The following NALF1 variants were observed in gnomAD, a reference collection of about 807,000 sequenced individuals.
The protein encoded by NALF1 is family with sequence similarity 155 member A.
A neutral mutation model predicts 48.4 loss-of-function variants in NALF1; 3 were observed. That is an observed-to-expected ratio of 0.06 (90% CI 0.03 to 0.16). NALF1 has a LOEUF of 0.16. Among genes scored for constraint, NALF1 ranks in the 10% least tolerant of loss-of-function variants. The pLI is 1.00. For missense variants in NALF1, 526 were observed against 571.5 expected, an observed-to-expected ratio of 0.92 and a Z score of 0.81; for synonymous variants, 262 against 245.7, an observed-to-expected ratio of 1.07 and a Z score of -0.62.
intron 1 of NALF1, among the ~76,000 whole-genome samples, chr13:107,762,312 G>A (rs1035389068): frequency 6.6e-6 from 1 of 152,026 alleles, no homozygotes; most frequent in African/African-American, 2.4e-5. Context: ...AGCACATATT[G>A]GGTGTAAATC....
At chr13:107,821,609 T>C (rs114524931) in intron 1 of NALF1, among the ~76,000 whole-genome samples, 11 of 152,028 alleles carry the variant, frequency 7.2e-5, no homozygotes, top group Non-Finnish European at 1.6e-4. Flanking sequence ...TGTCAAGTCA[T>C]GAAAAGTAAA....
intron 1 of NALF1, among the ~76,000 whole-genome samples, chr13:107,521,611 TAATTA>T (rs1876240682): frequency 6.6e-6 from 1 of 152,186 alleles, no homozygotes. Flanking sequence ...TCACTATTAA[TAATTA>T]AATTATGCTT....
At chr13:107,329,915 T>C (rs965834231) in intron 1 of NALF1, among the ~76,000 whole-genome samples, 1 of 152,176 alleles carries the variant, frequency 6.6e-6, no homozygotes. Context: ...CTTTACCTTT[T>C]AAAACTTTAG....
intron 1 of NALF1, among the ~76,000 whole-genome samples, chr13:107,557,083 T>C (rs1156952459): frequency 2.0e-5 from 3 of 152,222 alleles, no homozygotes; most frequent in Admixed American, 1.3e-4. Context: ...ATCAGATTTT[T>C]ACATATTTCA....
intron 1 of NALF1, among the ~76,000 whole-genome samples, chr13:107,472,220 T>G (rs969092189): frequency 2.0e-5 from 3 of 152,106 alleles, no homozygotes; most frequent in African/African-American, 7.2e-5. Flanking sequence ...TCCCAGGTAC[T>G]TGGGAGGCTG....
chr13:107,578,718 T>C (rs1353001132), intron 1 of NALF1, among the ~76,000 whole-genome samples: 1 of 152,200 alleles, frequency 6.6e-6, no homozygotes. Flanking sequence ...TTATCTTTAA[T>C]ATAAAAATAA....
intron 1 of NALF1, among the ~76,000 whole-genome samples, chr13:107,434,902 C>T (rs150821264): frequency 1.5e-3 from 232 of 152,264 alleles, no homozygotes; most frequent in Non-Finnish European, 2.4e-3. Context: ...CACACCCTGA[C>T]GTGGCACAGT....
intron 1 of NALF1, among the ~76,000 whole-genome samples, chr13:107,829,549 G>C (rs1255269628): frequency 6.6e-6 from 1 of 151,870 alleles, no homozygotes; most frequent in Non-Finnish European, 1.5e-5. Flanking sequence ...TGATATTTAA[G>C]GGCCATGTTA....
At chr13:107,518,720 C>A (rs957969750) in intron 1 of NALF1, among the ~76,000 whole-genome samples, 1 of 152,086 alleles carries the variant, frequency 6.6e-6, no homozygotes, top group Non-Finnish European at 1.5e-5. Context: ...ATAAAAAAAG[C>A]AGACCTAGCC....
chr13:107,810,627 C>T (rs1337721399), intron 1 of NALF1, among the ~76,000 whole-genome samples: 1 of 152,064 alleles, frequency 6.6e-6, no homozygotes, highest in African/African-American at 2.4e-5. Flanking sequence ...AATCTTCTTC[C>T]GTTCTTGTCT....
chr13:107,827,031 T>C (rs1012066314), intron 1 of NALF1, among the ~76,000 whole-genome samples: 21 of 152,224 alleles, frequency 1.4e-4, no homozygotes, highest in African/African-American at 4.8e-4. Context: ...TACTGGTCCA[T>C]GTACATTCAT....
intron 1 of NALF1, among the ~76,000 whole-genome samples, chr13:107,636,071 C>T (rs1356071932): frequency 2.0e-5 from 3 of 151,948 alleles, no homozygotes; most frequent in Admixed American, 2.0e-4. Flanking sequence ...GCGGCTTTTG[C>T]CACTAGAAGT....
At chr13:107,555,865 A>C (rs1190393452) in intron 1 of NALF1, among the ~76,000 whole-genome samples, 2 of 152,146 alleles carry the variant, frequency 1.3e-5, no homozygotes. Context: ...ATATGGTTAT[A>C]TAAAAATCAA....
chr13:107,739,572 A>G (rs1876570957), intron 1 of NALF1, among the ~76,000 whole-genome samples: 1 of 151,982 alleles, frequency 6.6e-6, no homozygotes, highest in Non-Finnish European at 1.5e-5. Flanking sequence ...ATACATACAC[A>G]ATGACTAATG....
chr13:107,317,712 T>A (rs1276062481), intron 1 of NALF1, among the ~76,000 whole-genome samples: 2 of 152,118 alleles, frequency 1.3e-5, no homozygotes, highest in Admixed American at 1.3e-4. Flanking sequence ...ATGTACAAAA[T>A]AACTTATTAG....
At chr13:107,639,563 C>T (rs1266452612) in intron 1 of NALF1, among the ~76,000 whole-genome samples, 1 of 152,272 alleles carries the variant, frequency 6.6e-6, no homozygotes, top group Non-Finnish European at 1.5e-5. Context: ...CCACTCCACG[C>T]CCTGTGCCCT....
At chr13:107,812,228 T>C (rs1327589485) in intron 1 of NALF1, among the ~76,000 whole-genome samples, 1 of 152,150 alleles carries the variant, frequency 6.6e-6, no homozygotes, top group African/African-American at 2.4e-5. Context: ...TATCCAAATA[T>C]TACAGTTTCA....
At chr13:107,644,642 C>CAT (rs371201609) in intron 1 of NALF1, among the ~76,000 whole-genome samples, 1,227 of 92,218 alleles carry the variant, frequency 0.013, 67 homozygotes, top group African/African-American at 0.034. Flanking sequence ...TACATACATA[C>CAT]ATACATATAT....
chr13:107,543,708 C>T (rs9559058), intron 1 of NALF1, among the ~76,000 whole-genome samples: 7,215 of 151,588 alleles, frequency 0.048, 562 homozygotes, highest in East Asian at 0.36. Flanking sequence ...TATATATATA[C>T]ACACACACAT....
Sources: gnomAD v4.1 joint callset for allele counts (sites outside exome capture counted in the v4.1 genomes callset) on GRCh38, gnomAD v4.1.1 for gene constraint, MANE v1.5 for transcripts, NCBI Gene and HGNC (gene_info 2026-07-23, HGNC 2026-07-21) for gene names.